TMX1: variants seen among roughly 807,000 people sequenced by gnomAD.
TMX1 encodes thioredoxin-related transmembrane protein 1.
In TMX1, 25 loss-of-function variants were observed where a neutral mutation model predicts 36.6. The observed-to-expected ratio is 0.68, with a 90% CI of 0.50 to 0.95. The LOEUF is 0.95. TMX1 is among the 40% of genes least tolerant of loss of function. The pLI is 0.00. For synonymous variants in TMX1, 133 were observed against 118.0 expected, an observed-to-expected ratio of 1.13 and a Z score of -0.82; for missense variants, 347 against 339.6, an observed-to-expected ratio of 1.02 and a Z score of -0.17.
At chr14:51,253,193 G>T (rs954898794) in intron 7 of TMX1, among the ~76,000 whole-genome samples, 1 of 152,156 alleles carries the variant, frequency 6.6e-6, no homozygotes, top group Non-Finnish European at 1.5e-5. Context: ...AGTTGTGATG[G>T]ACTGCCTTTT....
intron 7 of TMX1, among the ~76,000 whole-genome samples, chr14:51,252,358 C>G (rs544640414): frequency 6.6e-6 from 1 of 150,436 alleles, no homozygotes; most frequent in East Asian, 2.0e-4. Flanking sequence ...CCAAATCATT[C>G]AAAAAGAAGG....
intron 7 of TMX1, among the ~76,000 whole-genome samples, chr14:51,253,588 C>G (rs1339200090): frequency 6.6e-6 from 1 of 152,178 alleles, no homozygotes; most frequent in Non-Finnish European, 1.5e-5. Flanking sequence ...AGCTCTTTGA[C>G]CCAGTTCTGT....
chr14:51,254,354 A>G lies in TMX1; in HGVS notation c.678A>G (p.Ser226=), dbSNP rs754173304. The change falls in exon 8 of 8, where the codon TCA becomes TCG. Residue 226 remains serine (S), a synonymous_variant. Transcript: ENST00000457354. ...TTTGTCTTTAAGAAAAATTATTATC[A>G]GAATCTGCACAACCTTTGAAAAAAG... ...PYPYPSKKLL[S]ESAQPLKKVE... 3 of 1,587,626 alleles carry G rather than the reference A, an allele frequency of 1.9e-6. No individual in the cohort carries two copies. In the Admixed American group the frequency reaches 5.9e-5, roughly 31 times the overall value.
intron 1 of TMX1, among the ~76,000 whole-genome samples, chr14:51,242,907 C>T (rs2065768357): frequency 6.6e-6 from 1 of 152,130 alleles, no homozygotes; most frequent in Non-Finnish European, 1.5e-5. Context: ...GAAGTTTTGT[C>T]ATGGAGATAT....
chr14:51,243,335 C>T (rs952749007), intron 1 of TMX1, among the ~76,000 whole-genome samples: 1 of 152,182 alleles, frequency 6.6e-6, no homozygotes, highest in Non-Finnish European at 1.5e-5. Context: ...AAAAATGCAG[C>T]TCTCCATCTT....
chr14:51,255,472 A>G lies in TMX1; in HGVS notation c.*953A>G, dbSNP rs2065834325. Reference sequence around the variant, plus strand: ...TGATGTGAAAAAGCCTTGGTATTTTACATTTTGAAAATTCAAAGAAGCTTA... The same window carrying G: ...TGATGTGAAAAAGCCTTGGTATTTTGCATTTTGAAAATTCAAAGAAGCTTA... On this transcript the variant is annotated 3_prime_UTR_variant, in exon 8 of 8. Transcript: ENST00000457354. The G allele has an allele frequency of 6.7e-6, 1 of 150,264 alleles. No individual in the cohort carries two copies. The highest frequency in any genetic ancestry group is 6.6e-5 in the Admixed American group (1 of 15,038). 9.3% of individuals were successfully genotyped at this position (150,264 alleles called of 1,614,324 possible).
chr14:51,243,425 A>G (rs1216805979), intron 1 of TMX1, among the ~76,000 whole-genome samples: 2 of 152,204 alleles, frequency 1.3e-5, no homozygotes, highest in African/African-American at 4.8e-5. Flanking sequence ...CCACTTTAAG[A>G]TGGAATATGT....
rs773978645 is a variant in TMX1 at position 51,254,531 on chromosome 14, A to G, written c.*12A>G. 2 of 1,574,896 alleles carry G rather than the reference A, an allele frequency of 1.3e-6. No homozygotes were observed. Among genetic ancestry groups the G allele is most frequent in the African/African-American group, 2.8e-5 (2 of 72,424 alleles). On this transcript the variant is annotated 3_prime_UTR_variant, in exon 8 of 8. Transcript: ENST00000457354. Reference sequence around the variant, plus strand: ...CAGATAAATCCTAGTTAAATTTTATAGTTATCTTAATATTATGATTTTGAT... The same window carrying G: ...CAGATAAATCCTAGTTAAATTTTATGGTTATCTTAATATTATGATTTTGAT...
At chr14:51,241,853 G>T (rs1413186983) in intron 1 of TMX1, among the ~76,000 whole-genome samples, 5 of 152,152 alleles carry the variant, frequency 3.3e-5, no homozygotes, top group Admixed American at 1.3e-4. Context: ...AAAACTGGCC[G>T]GCGCGGTGGC....
chr14:51,252,877 G>C (rs1052042125), intron 7 of TMX1, among the ~76,000 whole-genome samples: 2 of 152,150 alleles, frequency 1.3e-5, no homozygotes, highest in Non-Finnish European at 2.9e-5. Context: ...GAGTTACTCA[G>C]TTCTCCACAC....
At chr14:51,245,633 A>G (rs910362537) in intron 3 of TMX1, 1 of 596,062 alleles carries the variant, frequency 1.7e-6, no homozygotes, top group African/African-American at 1.9e-5. Flanking sequence ...TTAAGTCATT[A>G]TGCATCCAAA....
Position 51,248,459 on chromosome 14 carries a change from T to C in TMX1, c.444-867T>C, listed in dbSNP as rs116593259. On this transcript the variant is annotated intron_variant, in intron 4 of 7. Coordinates refer to ENST00000457354, the MANE Select transcript of TMX1 (RefSeq NM_030755.5). ...CAACTCAATTTTGGATCCTACTGTT[T>C]CTGAAATAAATTACTGCAGACTACA... Among the ~76,000 whole-genome samples, 409 of 152,358 alleles carry C rather than the reference T, an allele frequency of 2.7e-3. 1 individual carries two copies. The highest frequency in any genetic ancestry group is 0.013 in the South Asian group (64 of 4,834).
chr14:51,244,061 C>T (rs915047899), intron 2 of TMX1, 90 bp downstream of exon 2: 3 of 1,077,476 alleles, frequency 2.8e-6, no homozygotes, highest in Middle Eastern at 2.1e-4. Flanking sequence ...TTAATTCTAC[C>T]TTTCTTTAGG....
At chr14:51,245,161 A>G in intron 2 of TMX1, 152 bp from the exon 3 acceptor site, 2 of 900,590 alleles carry the variant, frequency 2.2e-6, no homozygotes, top group Non-Finnish European at 3.3e-6. Flanking sequence ...TTAAGTACAT[A>G]ATTCATTTTT....
chr14:51,240,248 G>T lies in TMX1; in HGVS notation c.-45G>T. 6.3e-7 allele frequency: 1 copy of T among 1,598,590 alleles called. No homozygotes were observed. The highest frequency in any genetic ancestry group is 8.5e-7 in the Non-Finnish European group (1 of 1,176,960). ...CGCTGAGCAGCCCGCGAGGGCGGAA[G>T]TGGGAGCTGCGACCGCGCTCCCTGT... On this transcript the variant is annotated 5_prime_UTR_variant, in exon 1 of 8. Coordinates refer to ENST00000457354, the MANE Select transcript of TMX1 (RefSeq NM_030755.5).
chr14:51,247,000 A>T, intron 3 of TMX1, 92 bp from the exon 4 acceptor site: 2 of 1,154,100 alleles, frequency 1.7e-6, no homozygotes, highest in Non-Finnish European at 2.4e-6. Context: ...TTTGAATGTT[A>T]GAATTGACTG....
Position 51,245,349 on chromosome 14 carries a change from C to T in TMX1, c.305C>T (p.Thr102Ile), listed in dbSNP as rs770401248. ...CGGTTTATCATAACTGCTCTTCCTA[C>T]TATTTATCAGTAAGTATTTGAAGAT... is the stretch of plus-strand genomic sequence containing the variant. ...SGRFIITALP[T>I]IYHCKDGEFR... The change falls in exon 3 of 8, where the codon ACT becomes ATT. Residue 102 changes from threonine to isoleucine, a missense_variant. By Grantham distance (89) the Thr-to-Ile change is moderately conservative. Transcript: ENST00000457354. The T allele has an allele frequency of 6.2e-7, 1 of 1,613,890 alleles. No individual in the cohort carries two copies. The highest frequency in any genetic ancestry group is 1.1e-5 in the South Asian group (1 of 91,064).
chr14:51,244,712 C>G (rs907665370), intron 2 of TMX1, among the ~76,000 whole-genome samples: 6 of 152,166 alleles, frequency 3.9e-5, no homozygotes, highest in East Asian at 1.9e-4. Flanking sequence ...TATTATAGCA[C>G]TCTTCCAAAT....
At chr14:51,243,794 C>A in intron 1 of TMX1, 62 bp from the exon 2 acceptor site, 2 of 1,145,026 alleles carry the variant, frequency 1.7e-6, no homozygotes, top group Non-Finnish European at 2.4e-6. Context: ...ATTTTTTATC[C>A]CAAGATAAAT....
Sources: gnomAD v4.1 joint callset for allele counts (sites outside exome capture counted in the v4.1 genomes callset) on GRCh38, gnomAD v4.1.1 for gene constraint, MANE v1.5 for transcripts, NCBI Gene and HGNC (gene_info 2026-07-23, HGNC 2026-07-21) for gene names.